Variants in CPEB3 observed in about 807,000 individuals in gnomAD.
CPEB3 encodes cytoplasmic polyadenylation element binding protein 3, also known as cytoplasmic polyadenylation element-binding protein 3.
CPEB3 carries 20 observed loss-of-function variants against 67.2 expected under a neutral mutation model. The ratio of observed to expected loss-of-function variants is 0.30; its 90% CI spans 0.21 to 0.43. The LOEUF is 0.43. Among genes scored for constraint, CPEB3 ranks in the 20% least tolerant of loss-of-function variants. The pLI is 1.00. For synonymous variants in CPEB3, 376 were observed against 393.1 expected, an observed-to-expected ratio of 0.96 and a Z score of 0.51; for missense variants, 746 against 968.6, an observed-to-expected ratio of 0.77 and a Z score of 3.05.
At chr10:92,054,972 T>C (rs1384989561) in intron 9 of CPEB3, among the ~76,000 whole-genome samples, 2 of 152,144 alleles carry the variant, frequency 1.3e-5, no homozygotes, top group African/African-American at 4.8e-5. Flanking sequence ...AACACTTGAA[T>C]AAAATGTGGG....
chr10:92,136,130 T>G (rs1194016546), intron 6 of CPEB3, among the ~76,000 whole-genome samples: 1 of 151,926 alleles, frequency 6.6e-6, no homozygotes, highest in South Asian at 2.1e-4. Context: ...CTTCACATTA[T>G]GCACATGTAC....
At chr10:92,232,283 G>A (rs1345027261) in intron 2 of CPEB3, among the ~76,000 whole-genome samples, 3 of 151,524 alleles carry the variant, frequency 2.0e-5, no homozygotes, top group African/African-American at 7.3e-5. Flanking sequence ...TCGAACTCCT[G>A]ACCTCAGGTG....
In CPEB3 at chr10:92,195,174, C is replaced by A. The variant is rs572038087; in HGVS notation, c.1006-2538G>T. On this transcript the variant is annotated intron_variant, in intron 2 of 9. Coordinates refer to ENST00000265997, the MANE Select transcript of CPEB3 (RefSeq NM_014912.5). ...ATAAGCATACAACTCAACAACCAAA[C>A]CAAGTCAAACTACAGTGATGAGAGA... Among the ~76,000 whole-genome samples, 4 of 151,956 alleles carry A rather than the reference C, an allele frequency of 2.6e-5. No homozygotes were observed. The East Asian group carries it at 7.7e-4, about 29-fold the overall frequency.
intron 2 of CPEB3, among the ~76,000 whole-genome samples, chr10:92,220,571 T>C (rs1429501269): frequency 1.5e-5 from 2 of 132,172 alleles, no homozygotes; most frequent in Admixed American, 7.8e-5. Context: ...CACCTTAAAC[T>C]GCCATGTTAA....
intron 2 of CPEB3, among the ~76,000 whole-genome samples, chr10:92,236,069 C>A (rs757433339): frequency 6.6e-6 from 1 of 152,140 alleles, no homozygotes; most frequent in Non-Finnish European, 1.5e-5. Context: ...TAGAAAGATT[C>A]ACATATATAA....
chr10:92,114,833 G>A (rs1360678311), intron 6 of CPEB3, among the ~76,000 whole-genome samples: 1 of 152,192 alleles, frequency 6.6e-6, no homozygotes, highest in African/African-American at 2.4e-5. Context: ...AGAGATGTAG[G>A]TTGTAAGATA....
intron 9 of CPEB3, among the ~76,000 whole-genome samples, chr10:92,076,605 G>C (rs1282825600): frequency 6.6e-6 from 1 of 151,832 alleles, no homozygotes; most frequent in African/African-American, 2.4e-5. Context: ...GTAGAGATGG[G>C]GTCTCCGTAT....
At chr10:92,157,992 T>G (rs979589722) in intron 4 of CPEB3, among the ~76,000 whole-genome samples, 13 of 151,284 alleles carry the variant, frequency 8.6e-5, no homozygotes, top group South Asian at 8.4e-4. Context: ...ATAAACACAC[T>G]CATATTTACT....
At chr10:92,273,719 T>C (rs1031875626) in intron 1 of CPEB3, among the ~76,000 whole-genome samples, 16 of 152,332 alleles carry the variant, frequency 1.1e-4, no homozygotes, top group African/African-American at 3.8e-4. Context: ...TAATTGCTTA[T>C]TCCCAGCAGA....
At chr10:92,058,260 T>A (rs1842186882) in intron 9 of CPEB3, among the ~76,000 whole-genome samples, 1 of 152,060 alleles carries the variant, frequency 6.6e-6, no homozygotes, top group Admixed American at 6.6e-5. Context: ...TAAATATATA[T>A]TCGGGCCGGG....
At chr10:92,093,358 C>T (rs567717029) in intron 7 of CPEB3, among the ~76,000 whole-genome samples, 1 of 152,230 alleles carries the variant, frequency 6.6e-6, no homozygotes, top group Admixed American at 6.5e-5. Context: ...ATACTTAATG[C>T]GAAGAAACAT....
At chr10:92,085,310 T>TA (rs1320464527) in intron 8 of CPEB3, among the ~76,000 whole-genome samples, 1 of 152,210 alleles carries the variant, frequency 6.6e-6, no homozygotes, top group African/African-American at 2.4e-5. Flanking sequence ...GATGGCGGTC[T>TA]AATAGCTATG....
At chr10:92,203,756 C>T (rs1027201916) in intron 2 of CPEB3, among the ~76,000 whole-genome samples, 4 of 151,952 alleles carry the variant, frequency 2.6e-5, no homozygotes, top group Admixed American at 6.6e-5. Flanking sequence ...GTCTTGACTT[C>T]AGCTGCTCCA....
At chr10:92,109,754 T>C (rs2133469908) in intron 7 of CPEB3, among the ~76,000 whole-genome samples, 1 of 152,302 alleles carries the variant, frequency 6.6e-6, no homozygotes, top group South Asian at 2.1e-4. Flanking sequence ...CCCCATTCTT[T>C]AGTAGTTCTT....
intron 7 of CPEB3, among the ~76,000 whole-genome samples, chr10:92,098,774 T>C (rs916393328): frequency 6.2e-5 from 9 of 144,700 alleles, no homozygotes; most frequent in South Asian, 2.3e-4. Context: ...TTTTTTCTTT[T>C]TTTTTTTTTT....
At chr10:92,179,988 G>A (rs1225571197) in intron 4 of CPEB3, among the ~76,000 whole-genome samples, 2 of 152,156 alleles carry the variant, frequency 1.3e-5, no homozygotes, top group Admixed American at 1.3e-4. Flanking sequence ...GAAGATGAGA[G>A]GGGACAATCT....
At chr10:92,208,066 C>T (rs967748535) in intron 2 of CPEB3, among the ~76,000 whole-genome samples, 1 of 152,136 alleles carries the variant, frequency 6.6e-6, no homozygotes, top group Non-Finnish European at 1.5e-5. Context: ...CAAAAGAACA[C>T]CTTGGTGAGG....
intron 2 of CPEB3, among the ~76,000 whole-genome samples, chr10:92,218,867 C>T (rs958997075): frequency 1.3e-5 from 2 of 151,796 alleles, no homozygotes; most frequent in Non-Finnish European, 1.5e-5. Context: ...CAGGCTGGAG[C>T]GCAGTGGTAT....
chr10:92,187,771 T>C (rs1334795233), intron 3 of CPEB3, among the ~76,000 whole-genome samples: 1 of 152,170 alleles, frequency 6.6e-6, no homozygotes, highest in Admixed American at 6.6e-5. Context: ...CTCAACACGA[T>C]TAATCCCCTT....
Sources: gnomAD v4.1 joint callset for allele counts (sites outside exome capture counted in the v4.1 genomes callset) on GRCh38, gnomAD v4.1.1 for gene constraint, MANE v1.5 for transcripts, NCBI Gene and HGNC (gene_info 2026-07-23, HGNC 2026-07-21) for gene names.